HECW1: variants seen among roughly 807,000 people sequenced by gnomAD.
HECW1 encodes the protein E3 ubiquitin-protein ligase HECW1.
A neutral mutation model predicts 182.3 loss-of-function variants in HECW1; 61 were observed. The ratio of observed to expected loss-of-function variants is 0.33; its 90% CI spans 0.27 to 0.41. HECW1 has a LOEUF of 0.41. HECW1 is among the 10% of genes least tolerant of loss of function. HECW1 has a pLI of 1.00. For missense variants in HECW1, 1,739 were observed against 2,108.9 expected (o/e 0.82, Z 3.44); for synonymous variants, 859 against 832.6 (o/e 1.03, Z -0.55).
chr7:43,118,270 T>A (rs1035422488), intron 2 of HECW1: 5 of 152,724 alleles, frequency 3.3e-5, no homozygotes, highest in Admixed American at 1.3e-4. Context: ...TGGCCAGGGA[T>A]TGTAATTCAA....
intron 2 of HECW1, among the ~76,000 whole-genome samples, chr7:43,195,777 G>T (rs1794404896): frequency 6.6e-6 from 1 of 152,188 alleles, no homozygotes; most frequent in South Asian, 2.1e-4. Flanking sequence ...TTGCCCCATG[G>T]ATTTGGGCTG....
In HECW1 at chr7:43,343,274, T is replaced by C. The variant is rs868535164; in HGVS notation, c.461-17612T>C. 2.2e-3 allele frequency among the ~76,000 whole-genome samples: 328 copies of C among 151,686 alleles called. 9 individuals carry two copies. The highest frequency in any genetic ancestry group is 7.6e-3 in the African/African-American group (312 of 41,040). ...TGTCTGGGCAACAGTATTCTTTTTT[T>C]TTTTTTTAATTATACTTTAAGTTCT... On this transcript the variant is annotated intron_variant, in intron 5 of 29. Transcript: ENST00000395891.
At chr7:43,124,118 A>G (rs1489568862) in intron 2 of HECW1, among the ~76,000 whole-genome samples, 1 of 152,166 alleles carries the variant, frequency 6.6e-6, no homozygotes, top group Non-Finnish European at 1.5e-5. Context: ...TCAAGTGTTC[A>G]TTTGTGTCTA....
At chr7:43,399,903 G>T (rs1433727520) in intron 7 of HECW1, among the ~76,000 whole-genome samples, 1 of 152,186 alleles carries the variant, frequency 6.6e-6, no homozygotes, top group Non-Finnish European at 1.5e-5. Flanking sequence ...CACTATGTCT[G>T]CCTAGGACAA....
intron 3 of HECW1, among the ~76,000 whole-genome samples, chr7:43,308,783 G>A (rs759759035): frequency 6.6e-6 from 1 of 151,970 alleles, no homozygotes; most frequent in Non-Finnish European, 1.5e-5. Flanking sequence ...CAACACGCCC[G>A]GCTAATTTTT....
At chr7:43,239,532 G>A (rs1301657924) in intron 2 of HECW1, among the ~76,000 whole-genome samples, 1 of 152,164 alleles carries the variant, frequency 6.6e-6, no homozygotes, top group Non-Finnish European at 1.5e-5. Context: ...TTCCTTGAGG[G>A]GTTTGGGGTC....
intron 3 of HECW1, among the ~76,000 whole-genome samples, chr7:43,257,975 A>G (rs926853920): frequency 6.6e-6 from 1 of 152,222 alleles, no homozygotes; most frequent in African/African-American, 2.4e-5. Flanking sequence ...CAATCCTATG[A>G]ATCTGATATT....
chr7:43,237,166 T>C (rs1336121885), intron 2 of HECW1, among the ~76,000 whole-genome samples: 1 of 150,238 alleles, frequency 6.7e-6, no homozygotes, highest in African/African-American at 2.5e-5. Context: ...GGTAGGTAGG[T>C]AGGTAGGTAG....
chr7:43,171,424 T>G (rs565678976), intron 2 of HECW1, among the ~76,000 whole-genome samples: 1 of 152,332 alleles, frequency 6.6e-6, no homozygotes, highest in African/African-American at 2.4e-5. Flanking sequence ...AAAGCTTGAA[T>G]GAACGTTGAA....
At chr7:43,289,294 A>T (rs1805079266) in intron 3 of HECW1, among the ~76,000 whole-genome samples, 1 of 151,732 alleles carries the variant, frequency 6.6e-6, no homozygotes, top group Non-Finnish European at 1.5e-5. Flanking sequence ...TTTAGTAAAG[A>T]CGGGGTTTCA....
chr7:43,274,636 G>C (rs960160490), intron 3 of HECW1: 1 of 355,488 alleles, frequency 2.8e-6, no homozygotes, highest in African/African-American at 2.2e-5. Context: ...ACGCCCCGGG[G>C]GAGGGAGGGA....
chr7:43,264,888 T>C lies in HECW1; in HGVS notation c.27+20956T>C, dbSNP rs141481677. 1.9e-3 allele frequency among the ~76,000 whole-genome samples: 294 copies of C among 152,008 alleles called. 1 individual carries two copies. Among genetic ancestry groups the C allele is most frequent in the African/African-American group, 6.4e-3 (266 of 41,446 alleles). On this transcript the variant is annotated intron_variant, in intron 3 of 29. Transcript: ENST00000395891. ...ATTGCTATTGTCGAGAAATAGTTCT[T>C]GCAGTCTGCTTCCCCTTCTAAAATA... is the stretch of plus-strand genomic sequence containing the variant.
intron 13 of HECW1, among the ~76,000 whole-genome samples, chr7:43,456,875 A>G (rs1410527804): frequency 1.3e-5 from 2 of 152,220 alleles, no homozygotes; most frequent in African/African-American, 2.4e-5. Context: ...GACCTCAGTT[A>G]AACACATTCC....
chr7:43,161,067 G>A (rs191199715), intron 2 of HECW1, among the ~76,000 whole-genome samples: 6 of 152,092 alleles, frequency 3.9e-5, no homozygotes, highest in South Asian at 2.1e-4. Context: ...GGAGTAAAGC[G>A]GGGCTGGGAC....
intron 6 of HECW1, among the ~76,000 whole-genome samples, chr7:43,371,014 A>T (rs1322252967): frequency 6.6e-6 from 1 of 151,602 alleles, no homozygotes; most frequent in Non-Finnish European, 1.5e-5. Context: ...CAGCCTCCCG[A>T]GTAGCTGGGA....
At chr7:43,548,216 A>G (rs769627775) in intron 26 of HECW1, among the ~76,000 whole-genome samples, 3 of 151,980 alleles carry the variant, frequency 2.0e-5, no homozygotes, top group Non-Finnish European at 2.9e-5. Context: ...GTATCTACAT[A>G]TATTTTATGG....
At chr7:43,541,308 G>T in intron 25 of HECW1, 47 bp downstream of exon 25, 1 of 1,425,094 alleles carries the variant, frequency 7.0e-7, no homozygotes, top group Middle Eastern at 1.8e-4. Flanking sequence ...TGTCTGCAGG[G>T]CAAGGACACC....
At chr7:43,168,931 A>T (rs1227947304) in intron 2 of HECW1, among the ~76,000 whole-genome samples, 1 of 152,226 alleles carries the variant, frequency 6.6e-6, no homozygotes, top group Non-Finnish European at 1.5e-5. Flanking sequence ...CTATAGAAAG[A>T]TATGCACCAA....
intron 3 of HECW1, among the ~76,000 whole-genome samples, chr7:43,308,163 TATATA>T (rs1257559927): frequency 3.2e-4 from 34 of 106,336 alleles, no homozygotes; most frequent in Non-Finnish European, 4.5e-4. Flanking sequence ...TATATATTTA[TATATA>T]ATATATTTTT....
Sources: allele counts gnomAD v4.1 joint callset (sites outside exome capture counted in the v4.1 genomes callset), GRCh38; gene constraint gnomAD v4.1.1; transcripts MANE v1.5; gene names NCBI Gene and HGNC (gene_info 2026-07-23, HGNC 2026-07-21).